The following CDK2AP1 variants were observed in gnomAD, a reference collection of about 807,000 sequenced individuals.
CDK2AP1 encodes cyclin dependent kinase 2 associated protein 1, also known as cyclin-dependent kinase 2-associated protein 1.
In CDK2AP1, 10 loss-of-function variants were observed where a neutral mutation model predicts 14.1. The observed-to-expected ratio is 0.71, with a 90% CI of 0.44 to 1.20. The LOEUF is 1.20. Among genes scored for constraint, CDK2AP1 ranks in the 50% most tolerant of loss-of-function variants. The pLI is 0.00. For missense variants in CDK2AP1, 102 were observed against 149.9 expected, an observed-to-expected ratio of 0.68 and a Z score of 1.67; for synonymous variants, 59 against 59.8, an observed-to-expected ratio of 0.99 and a Z score of 0.06.
In CDK2AP1 at chr12:123,265,933, C is replaced by A. The variant is rs577739873; in HGVS notation, c.154-611G>T. ...GCGATCCGCCATGGCCCAGCCAGAG[C>A]CTGGAATGCATTCCCTTCTCTCATC... On this transcript the variant is annotated intron_variant, in intron 2 of 3. Coordinates refer to ENST00000261692, the MANE Select transcript of CDK2AP1 (RefSeq NM_004642.4). The surrounding 1 kb of genome is among the most constrained non-coding windows in gnomAD (Gnocchi z 5.3). 1.3e-5 allele frequency among the ~76,000 whole-genome samples: 2 copies of A among 152,152 alleles called. No homozygotes were observed. Among genetic ancestry groups the A allele is most frequent in the East Asian group, 3.9e-4 (2 of 5,144 alleles).
In CDK2AP1 at chr12:123,265,157, G is replaced by C. The variant is rs747210512; in HGVS notation, c.280+39C>G. The C allele has an allele frequency of 9.3e-6, 15 of 1,613,296 alleles. No individual in the cohort carries two copies. Among genetic ancestry groups the C allele is most frequent in the Non-Finnish European group, 1.3e-5 (15 of 1,179,676 alleles). ...AAGTCTTTCCAGAGTTAAAGGTCTAGCACTGTGGTCACCGACAGGGCAGCG... is the reference window on the plus strand; with the variant it reads ...AAGTCTTTCCAGAGTTAAAGGTCTACCACTGTGGTCACCGACAGGGCAGCG... On this transcript the variant is annotated intron_variant, in intron 3 of 3. Transcript: ENST00000261692. The surrounding 1 kb of genome is among the most constrained non-coding windows in gnomAD (Gnocchi z 5.3).
At chr12:123,270,680 C>A (rs1048303841) in intron 1 of CDK2AP1, among the ~76,000 whole-genome samples, 2 of 152,198 alleles carry the variant, frequency 1.3e-5, no homozygotes, top group South Asian at 2.1e-4. Context: ...CTGACAACTT[C>A]TGGAGGAGTT....
intron 3 of CDK2AP1, chr12:123,262,414 A>T (rs10773002): frequency 0.59 from 89,713 of 151,942 alleles, 30,741 homozygotes; most frequent in Non-Finnish European, 0.75. Context: ...TAAGGATTCT[A>T]TTCCTTCTAA....
At position 123,261,559 on chromosome 12, in the gene CDK2AP1, T is replaced by C; in HGVS notation, c.*177A>G. Reference sequence around the variant, plus strand: ...TAACTACTTAAAATGCAAATCCTAATTAACTGCAAAATCTTTTCTCAATCT... The same window carrying C: ...TAACTACTTAAAATGCAAATCCTAACTAACTGCAAAATCTTTTCTCAATCT... On this transcript the variant is annotated 3_prime_UTR_variant, in exon 4 of 4. Coordinates refer to ENST00000261692, the MANE Select transcript of CDK2AP1 (RefSeq NM_004642.4). 5.6e-6 allele frequency: 3 copies of C among 539,872 alleles called. No individual in the cohort carries two copies. Among genetic ancestry groups the C allele is most frequent in the Non-Finnish European group, 9.9e-6 (3 of 303,694 alleles). The allele number at this position is 539,872 out of a possible 1,614,324, so 33.4% of individuals were successfully genotyped here.
intron 1 of CDK2AP1, chr12:123,270,876 T>C (rs1262783014): frequency 3.0e-6 from 3 of 985,032 alleles, no homozygotes; most frequent in Non-Finnish European, 3.6e-6. Flanking sequence ...CTTCGTTCAC[T>C]CCGCGCTCAC....
At position 123,267,245 on chromosome 12, in the gene CDK2AP1, CG is replaced by C; in HGVS notation, c.92del (p.Thr31SerfsTer17). Reference sequence around the variant, plus strand: ...TGAGCAGCTGGCGGTACTGTGAAGACGTTGCCATGCTGGTGGAAGGCGAGTG... The same window carrying C: ...TGAGCAGCTGGCGGTACTGTGAAGACTTGCCATGCTGGTGGAAGGCGAGTG... ...SVHSPSTSMA[T>X]SSQYRQLLSD... On this transcript the variant is annotated frameshift_variant, in exon 2 of 4. Transcript: ENST00000261692. LOFTEE classifies it high-confidence loss of function. The C allele has an allele frequency of 6.2e-7, 1 of 1,613,410 alleles. No homozygotes were observed. Among genetic ancestry groups the C allele is most frequent in the Non-Finnish European group, 8.5e-7 (1 of 1,179,562 alleles).
chr12:123,263,739 T>G (rs1032352450), intron 3 of CDK2AP1, among the ~76,000 whole-genome samples: 9 of 152,234 alleles, frequency 5.9e-5, no homozygotes, highest in Non-Finnish European at 1.2e-4. Context: ...TGTCCTCAAC[T>G]GGCCCTCGTG....
chr12:123,271,553 G>A lies in CDK2AP1; in HGVS notation c.55+11C>T. ...GCGGCGCTTGGGGCGCGTCGCACGC[G>A]GCTCACTCACCGGCGTTGAGGGCGG... is the stretch of plus-strand genomic sequence containing the variant. On this transcript the variant is annotated intron_variant, in intron 1 of 3. Transcript: ENST00000261692. The A allele has an allele frequency of 1.0e-6, 1 of 1,002,594 alleles. No individual in the cohort carries two copies. The highest frequency in any genetic ancestry group is 1.1e-4 in the East Asian group (1 of 9,460). The allele number at this position is 1,002,594 out of a possible 1,614,324, so 62.1% of individuals were successfully genotyped here.
chr12:123,266,494 G>A (rs2048296227), intron 2 of CDK2AP1, among the ~76,000 whole-genome samples: 1 of 152,392 alleles, frequency 6.6e-6, no homozygotes, highest in East Asian at 1.9e-4. Flanking sequence ...CTGGGGCCCA[G>A]CCAGGGAGAG....
At chr12:123,262,217 G>C (rs546173495) in intron 3 of CDK2AP1, 1 of 164,876 alleles carries the variant, frequency 6.1e-6, no homozygotes, top group African/African-American at 2.4e-5. Flanking sequence ...AGCTGCACAC[G>C]TGAGGGCGCA....
At chr12:123,270,901 C>T in intron 1 of CDK2AP1, 3 of 985,240 alleles carry the variant, frequency 3.0e-6, no homozygotes, top group Non-Finnish European at 3.6e-6. Context: ...CGGGGGTCCC[C>T]GCGTGACCGC....
intron 3 of CDK2AP1, 46 bp from the exon 4 acceptor site, chr12:123,261,849 G>T (rs772109585): frequency 2.3e-6 from 3 of 1,276,674 alleles, no homozygotes; most frequent in East Asian, 4.6e-5. Context: ...CACAGGACCA[G>T]CCAGCAAAGC....
In CDK2AP1 at chr12:123,261,593, G is replaced by A. The variant is rs2048233114; in HGVS notation, c.*143C>T. ...AAATCTTTTCTCAATCTTTGAGACT[G>A]TAGGTTCAGAGCCAAGTGAACCATG... On this transcript the variant is annotated 3_prime_UTR_variant, in exon 4 of 4. Coordinates refer to ENST00000261692, the MANE Select transcript of CDK2AP1 (RefSeq NM_004642.4). 2 of 630,940 alleles carry A rather than the reference G, an allele frequency of 3.2e-6. No homozygotes were observed. Among genetic ancestry groups the A allele is most frequent in the Admixed American group, 2.7e-5 (1 of 37,620 alleles). The allele number at this position is 630,940 out of a possible 1,614,324, so 39.1% of individuals were successfully genotyped here. A position where few individuals can be genotyped will look rare whatever the true frequency, so the allele number is the denominator to read the frequency against.
chr12:123,269,477 A>C (rs1049964273), intron 1 of CDK2AP1, among the ~76,000 whole-genome samples: 3 of 152,188 alleles, frequency 2.0e-5, no homozygotes, highest in Non-Finnish European at 2.9e-5. Flanking sequence ...CTTCCTGCAG[A>C]CACAGGGACC....
chr12:123,264,862 G>A (rs1436308700), intron 3 of CDK2AP1, among the ~76,000 whole-genome samples: 5 of 152,124 alleles, frequency 3.3e-5, no homozygotes, highest in Admixed American at 2.6e-4. Flanking sequence ...CGGCCCACAG[G>A]AGCAGACCAG....
chr12:123,266,250 G>T (rs2048291421), intron 2 of CDK2AP1, among the ~76,000 whole-genome samples: 1 of 152,214 alleles, frequency 6.6e-6, no homozygotes, highest in African/African-American at 2.4e-5. Flanking sequence ...CTGCCTCCAG[G>T]CCTCACGGGC....
At chr12:123,266,028 A>T (rs147886940) in intron 2 of CDK2AP1, among the ~76,000 whole-genome samples, 1 of 150,732 alleles carries the variant, frequency 6.6e-6, no homozygotes, top group African/African-American at 2.4e-5. Context: ...CACAGCAAGC[A>T]CCCGGATCAG....
chr12:123,270,811 G>C, intron 1 of CDK2AP1: 1 of 984,002 alleles, frequency 1.0e-6, no homozygotes, highest in Non-Finnish European at 1.2e-6. Context: ...GCGTCCACGT[G>C]ACCCACTGCC....
chr12:123,264,708 T>C lies in CDK2AP1; in HGVS notation c.280+488A>G, dbSNP rs140636218. Among the ~76,000 whole-genome samples, 1,394 of 152,050 alleles carry C rather than the reference T, an allele frequency of 9.2e-3. 21 individuals carry two copies. The highest frequency in any genetic ancestry group is 0.032 in the African/African-American group (1,308 of 41,448). On this transcript the variant is annotated intron_variant, in intron 3 of 3. Transcript: ENST00000261692. ...CCTGCCTGCCCTCCCTCTCCAACCA[T>C]TAAAGAACAAAGTGCTCTCAGCCTC...
Sources: gnomAD v4.1 joint callset for allele counts (sites outside exome capture counted in the v4.1 genomes callset) on GRCh38, gnomAD v4.1.1 for gene constraint, Gnocchi (gnomAD v3.1) non-coding constraint, MANE v1.5 for transcripts, NCBI Gene and HGNC (gene_info 2026-07-23, HGNC 2026-07-21) for gene names.